RFX3: variants seen among roughly 807,000 people sequenced by gnomAD.
RFX3 encodes regulatory factor X3.
A neutral mutation model predicts 98.6 loss-of-function variants in RFX3; 14 were observed. That is an observed-to-expected ratio of 0.14 (90% CI 0.09 to 0.22). RFX3 has a LOEUF of 0.22. RFX3 is among the 10% of genes least tolerant of loss of function. RFX3 has a pLI of 1.00. For synonymous variants in RFX3, 383 were observed against 328.4 expected (o/e 1.17, Z -1.80); for missense variants, 639 against 926.9 (o/e 0.69, Z 4.03).
intron 1 of RFX3, among the ~76,000 whole-genome samples, chr9:3,467,196 A>ATT (rs1848366787): frequency 7.1e-6 from 1 of 140,262 alleles, no homozygotes; most frequent in African/African-American, 2.8e-5. Flanking sequence ...ATACATATAT[A>ATT]ATGTATGTGT....
intron 1 of RFX3, among the ~76,000 whole-genome samples, chr9:3,470,926 A>T (rs1210491854): frequency 1.3e-5 from 2 of 152,206 alleles, no homozygotes. Flanking sequence ...GGAACAGATA[A>T]AAAATCTCTG....
rs192270781 is a variant in RFX3, at chr9:3,219,436, C to T, written c.*5606G>A. The T allele has an allele frequency of 6.9e-6, 1 of 145,950 alleles. No individual in the cohort carries two copies. The highest frequency in any genetic ancestry group is 2.0e-4 in the East Asian group (1 of 5,014). The allele number at this position is 145,950 out of a possible 1,614,324, so 9.0% of individuals were successfully genotyped here. Reference sequence around the variant, plus strand: ...CATTACTCAGGGCTTCCAATCCCAACATCATAATTTATTTAAAAAAAAAAA... The same window carrying T: ...CATTACTCAGGGCTTCCAATCCCAATATCATAATTTATTTAAAAAAAAAAA... On this transcript the variant is annotated 3_prime_UTR_variant, in exon 17 of 17. Transcript: ENST00000617270.
At chr9:3,314,140 C>A (rs917371836) in intron 4 of RFX3, among the ~76,000 whole-genome samples, 7 of 152,170 alleles carry the variant, frequency 4.6e-5, no homozygotes, top group African/African-American at 1.4e-4. Context: ...GGGTTACCCA[C>A]AAAGGGAAGC....
chr9:3,512,545 GTAA>G (rs906238644), intron 1 of RFX3, among the ~76,000 whole-genome samples: 2 of 151,644 alleles, frequency 1.3e-5, no homozygotes, highest in African/African-American at 4.8e-5. Context: ...ATATTACCTT[GTAA>G]TAATAAAATA....
In RFX3 at chr9:3,252,560, G is replaced by A. The variant is rs143033758; in HGVS notation, c.1815-4375C>T. Among the ~76,000 whole-genome samples, 934 of 152,296 alleles carry A rather than the reference G, an allele frequency of 6.1e-3. 3 individuals are homozygous for A. The highest frequency in any genetic ancestry group is 9.9e-3 in the Non-Finnish European group (676 of 68,022). ...AGAGCAAATGAAAGAGCTTGAGACAGAACTGCTTGCTGTTTTCAAAGAGTA... is the reference window on the plus strand; with the variant it reads ...AGAGCAAATGAAAGAGCTTGAGACAAAACTGCTTGCTGTTTTCAAAGAGTA... On this transcript the variant is annotated intron_variant, in intron 14 of 16. Coordinates refer to ENST00000617270, the MANE Select transcript of RFX3 (RefSeq NM_001282116.2).
At chr9:3,411,021 G>T (rs1482140902) in intron 1 of RFX3, among the ~76,000 whole-genome samples, 1 of 152,098 alleles carries the variant, frequency 6.6e-6, no homozygotes, top group Non-Finnish European at 1.5e-5. Context: ...TGAAGGAAAT[G>T]ATATTCTTGT....
At chr9:3,468,827 A>AAG (rs77660513) in intron 1 of RFX3, among the ~76,000 whole-genome samples, 1 of 151,170 alleles carries the variant, frequency 6.6e-6, no homozygotes, top group East Asian at 2.0e-4. Flanking sequence ...AAAAAAAAAA[A>AAG]AAAAGAAAAA....
At chr9:3,247,011 T>G (rs1357034501) in intron 15 of RFX3, 2 of 919,368 alleles carry the variant, frequency 2.2e-6, no homozygotes, top group African/African-American at 3.6e-5. Flanking sequence ...CTTATTATAT[T>G]AAACTAGGAA....
At chr9:3,227,406 C>G (rs1184898667) in intron 16 of RFX3, among the ~76,000 whole-genome samples, 1 of 152,142 alleles carries the variant, frequency 6.6e-6, no homozygotes, top group Non-Finnish European at 1.5e-5. Flanking sequence ...TTCTCCAGGT[C>G]CTAAGGACAA....
chr9:3,464,423 G>A (rs748383865), intron 1 of RFX3, among the ~76,000 whole-genome samples: 10 of 152,020 alleles, frequency 6.6e-5, no homozygotes, highest in South Asian at 4.2e-4. Context: ...ACCAAATTGC[G>A]GTATAGCCAC....
intron 1 of RFX3, among the ~76,000 whole-genome samples, chr9:3,447,572 A>C (rs1363934419): frequency 6.6e-6 from 1 of 152,156 alleles, no homozygotes; most frequent in African/African-American, 2.4e-5. Flanking sequence ...GTTCTTGCTC[A>C]TTTTATAAAT....
chr9:3,243,452 G>A (rs964276862), intron 15 of RFX3, among the ~76,000 whole-genome samples: 2 of 152,044 alleles, frequency 1.3e-5, no homozygotes, highest in African/African-American at 4.8e-5. Flanking sequence ...CCAGCTTAGG[G>A]GAGTCCATTG....
At chr9:3,422,241 T>A (rs1200033000) in intron 1 of RFX3, among the ~76,000 whole-genome samples, 1 of 152,206 alleles carries the variant, frequency 6.6e-6, no homozygotes, top group Non-Finnish European at 1.5e-5. Flanking sequence ...TAGTCTTGTT[T>A]CAGCCCAGCA....
chr9:3,289,111 T>C (rs1309153708), intron 6 of RFX3, among the ~76,000 whole-genome samples: 1 of 152,120 alleles, frequency 6.6e-6, no homozygotes, highest in African/African-American at 2.4e-5. Context: ...GAGAAAATAG[T>C]AGTTTTTCAC....
chr9:3,477,012 A>G (rs1849325734), intron 1 of RFX3, among the ~76,000 whole-genome samples: 1 of 152,196 alleles, frequency 6.6e-6, no homozygotes, highest in African/African-American at 2.4e-5. Flanking sequence ...ATGATGTAAT[A>G]CATATATGTC....
At position 3,378,606 on chromosome 9, in the gene RFX3, G is replaced by A. The variant is rs140295593; in HGVS notation, c.117+16866C>T. On this transcript the variant is annotated intron_variant, in intron 2 of 16. Transcript: ENST00000617270. ...AGTTTCACTCTTGTCACCCAGGTTA[G>A]AGTGCAATGGTGCAATCTTGGCTCA... Among the ~76,000 whole-genome samples the A allele has an allele frequency of 2.8e-3, 378 of 134,014 alleles. 8 individuals carry two copies. The East Asian group carries it at 0.052, about 18-fold the overall frequency. 87.9% of individuals were successfully genotyped at this position (134,014 alleles called of 152,430 possible).
chr9:3,513,164 A>G (rs1817808553), intron 1 of RFX3, among the ~76,000 whole-genome samples: 2 of 152,174 alleles, frequency 1.3e-5, no homozygotes, highest in South Asian at 2.1e-4. Context: ...TAAAGCTAAA[A>G]GACAAAATAA....
chr9:3,442,961 C>T (rs1477114519), intron 1 of RFX3, among the ~76,000 whole-genome samples: 3 of 152,098 alleles, frequency 2.0e-5, no homozygotes, highest in Admixed American at 6.6e-5. Context: ...GCAGGCTAGG[C>T]TCTGCAAACA....
At chr9:3,481,842 T>C (rs1849790885) in intron 1 of RFX3, among the ~76,000 whole-genome samples, 1 of 151,330 alleles carries the variant, frequency 6.6e-6, no homozygotes, top group East Asian at 2.0e-4. Context: ...AATAGATTTA[T>C]TCAACTATTC....
Sources: gnomAD v4.1 joint callset for allele counts (sites outside exome capture counted in the v4.1 genomes callset) on GRCh38, gnomAD v4.1.1 for gene constraint, MANE v1.5 for transcripts, NCBI Gene and HGNC (gene_info 2026-07-23, HGNC 2026-07-21) for gene names.